Variants in GNAS observed in about 807,000 individuals in gnomAD.
GNAS encodes the protein protein ALEX.
GNAS carries 8 observed loss-of-function variants against 54.5 expected under a neutral mutation model. The observed-to-expected ratio is 0.15, with a 90% CI of 0.09 to 0.26. GNAS has a LOEUF of 0.26. Ranked by LOEUF, GNAS falls within the 10% of genes least tolerant of loss-of-function variation. The pLI, the probability that GNAS is intolerant of heterozygous loss-of-function variation, is 1.00. For missense variants in GNAS, 170 were observed against 529.8 expected (o/e 0.32, Z 6.67); for synonymous variants, 204 against 191.4 (o/e 1.07, Z -0.54).
At chr20:58,855,181 TA>T in intron 1 of GNAS, 1 of 1,609,064 alleles carries the variant, frequency 6.2e-7, no homozygotes. Flanking sequence ...GTCAAGAAGG[TA>T]CCCCTGGCGG....
At position 58,910,124 on chromosome 20, in the gene GNAS, T is replaced by C. The variant is rs770437437; in HGVS notation, c.970+43T>C. 6.2e-7 allele frequency: 1 copy of C among 1,604,610 alleles called. No individual in the cohort carries two copies. The highest frequency in any genetic ancestry group is 8.5e-7 in the Non-Finnish European group (1 of 1,171,474). ...TCTTGCTGGCTGTTCATTGCGGTGGTTCTTTTTCAAACGGTCAGGCTGAAA... is the reference window on the plus strand; with the variant it reads ...TCTTGCTGGCTGTTCATTGCGGTGGCTCTTTTTCAAACGGTCAGGCTGAAA... On this transcript the variant is annotated intron_variant, in intron 11 of 12. Coordinates refer to ENST00000371085, the MANE Select transcript of GNAS (RefSeq NM_000516.7). This position sits in a 1 kb window ranked among gnomAD's most constrained non-coding sequence, Gnocchi z 5.8.
At chr20:58,855,156 T>A (rs2074374217) in intron 1 of GNAS, 1 of 1,612,346 alleles carries the variant, frequency 6.2e-7, no homozygotes, top group South Asian at 1.1e-5. Context: ...GCCCAAAGCC[T>A]CGCGCTCTCT....
intron 1 of GNAS, among the ~76,000 whole-genome samples, chr20:58,869,481 C>A (rs988302346): frequency 6.6e-6 from 1 of 152,132 alleles, no homozygotes; most frequent in African/African-American, 2.4e-5. Flanking sequence ...CTCTTTCACA[C>A]CTCAATCAAG....
intron 1 of GNAS, among the ~76,000 whole-genome samples, chr20:58,859,628 C>G (rs995319104): frequency 7.2e-6 from 1 of 138,846 alleles, no homozygotes; most frequent in Non-Finnish European, 1.6e-5. Context: ...ATATCAGACA[C>G]TTTTTTTTTT....
intron 3 of GNAS, chr20:58,900,469 A>G (rs1285300378): frequency 5.3e-6 from 1 of 189,658 alleles, no homozygotes; most frequent in Non-Finnish European, 1.1e-5. Flanking sequence ...TTCCCACCAA[A>G]GCACAAGGAT....
At chr20:58,891,030 T>C (rs2145892071), upstream of GNAS, among the ~76,000 whole-genome samples, 1 of 147,802 alleles carries the variant, frequency 6.8e-6, no homozygotes, top group East Asian at 2.2e-4. Flanking sequence ...GGCGACGCGG[T>C]CCGGGGGGTG....
chr20:58,885,522 T>C (rs1379787291), intron 1 of GNAS, among the ~76,000 whole-genome samples: 6 of 152,272 alleles, frequency 3.9e-5, no homozygotes, highest in Non-Finnish European at 8.8e-5. Context: ...AGTAATTGAC[T>C]TCAAGTCTTC....
intron 1 of GNAS, chr20:58,842,681 A>G (rs1256171706): frequency 2.5e-6 from 1 of 395,944 alleles, no homozygotes; most frequent in Non-Finnish European, 4.4e-6. Flanking sequence ...ATTCCTGCTT[A>G]ATGTAAACAA....
At chr20:58,891,158 C>A (rs1232565624), upstream of GNAS, 7 of 149,150 alleles carry the variant, frequency 4.7e-5, no homozygotes, top group Non-Finnish European at 1.1e-4. Flanking sequence ...CGGCCCGTCC[C>A]GTCCCCGGCC....
intron 1 of GNAS, among the ~76,000 whole-genome samples, chr20:58,878,220 A>C (rs1043571592): frequency 2.0e-5 from 3 of 152,202 alleles, no homozygotes; most frequent in African/African-American, 7.2e-5. Flanking sequence ...GATGTCACCC[A>C]AGAGAGCCCC....
At chr20:58,897,375 A>C (rs1386522889) in intron 2 of GNAS, 1 of 152,236 alleles carries the variant, frequency 6.6e-6, no homozygotes, top group African/African-American at 2.4e-5. Context: ...TTGCAGGAGT[A>C]CTTACTTATT....
chr20:58,878,666 A>G (rs1424275375), intron 1 of GNAS, among the ~76,000 whole-genome samples: 1 of 152,162 alleles, frequency 6.6e-6, no homozygotes, highest in Non-Finnish European at 1.5e-5. Context: ...TCTGCCTGCT[A>G]CAGAGATGGA....
intron 3 of GNAS, chr20:58,899,341 A>T: frequency 3.9e-6 from 2 of 507,048 alleles, no homozygotes; most frequent in Non-Finnish European, 7.4e-6. Context: ...AAAACTATCT[A>T]CTAAATTCCA....
chr20:58,847,300 G>A (rs2085975258), intron 1 of GNAS, among the ~76,000 whole-genome samples: 1 of 151,966 alleles, frequency 6.6e-6, no homozygotes, highest in South Asian at 2.1e-4. Flanking sequence ...TCATCCATTT[G>A]AGGCTTTTTT....
intron 1 of GNAS, among the ~76,000 whole-genome samples, chr20:58,869,670 A>G (rs1206273556): frequency 6.6e-6 from 1 of 152,216 alleles, no homozygotes; most frequent in Non-Finnish European, 1.5e-5. Flanking sequence ...TTGCTTTTCC[A>G]TTCATGCAAG....
upstream of GNAS, among the ~76,000 whole-genome samples, chr20:58,888,044 TA>T (rs1207331947): frequency 6.6e-6 from 1 of 152,260 alleles, no homozygotes; most frequent in African/African-American, 2.4e-5. Context: ...CCTCTGGTGG[TA>T]TCAGCCGCCC....
chr20:58,854,864 C>T (rs1395965985), intron 1 of GNAS: 4 of 1,596,680 alleles, frequency 2.5e-6, no homozygotes, highest in Non-Finnish European at 3.4e-6. Context: ...CCCCCAGCCC[C>T]GAGATCCAGG....
intron 1 of GNAS, among the ~76,000 whole-genome samples, chr20:58,864,872 G>GTGGT: frequency 6.6e-6 from 1 of 151,976 alleles, no homozygotes; most frequent in East Asian, 1.9e-4. Flanking sequence ...TTTTCATGGG[G>GTGGT]TGGTTGTCCT....
In GNAS at chr20:58,853,920, C is replaced by T. The variant is rs766748651; in HGVS notation, c.43+13034C>T. 1.2e-6 allele frequency: 2 copies of T among 1,609,942 alleles called. No homozygotes were observed. The highest frequency in any genetic ancestry group is 2.2e-5 in the South Asian group (2 of 90,544). On this transcript the variant is annotated intron_variant, in intron 1 of 12. Coordinates refer to the GNAS transcript ENST00000306090. The surrounding 1 kb of genome is among the most constrained non-coding windows in gnomAD (Gnocchi z 4.4). ...TGGCTCCAGAGGAGGCTACAGCCCT[C>T]CCCCTGAGGAGACTATGCCATTTGA...
Sources: gnomAD v4.1 joint callset for allele counts (sites outside exome capture counted in the v4.1 genomes callset) on GRCh38, gnomAD v4.1.1 for gene constraint, Gnocchi (gnomAD v3.1) non-coding constraint, MANE v1.5 for transcripts, NCBI Gene and HGNC (gene_info 2026-07-23, HGNC 2026-07-21) for gene names.